The following MYO16 variants were observed in gnomAD, a reference collection of about 807,000 sequenced individuals.
The protein encoded by MYO16 is myosin XVI, also known as unconventional myosin-XVI.
Under a neutral mutation model 205.3 loss-of-function variants are expected in MYO16, and 94 were observed. The ratio of observed to expected loss-of-function variants is 0.46; its 90% CI spans 0.39 to 0.54. The LOEUF (loss-of-function observed/expected upper bound fraction) is 0.54. MYO16 is among the 20% of genes least tolerant of loss of function. The pLI is 0.00. For synonymous variants in MYO16, 988 were observed against 954.0 expected (o/e 1.04, Z -0.66); for missense variants, 2,315 against 2,387.5 (o/e 0.97, Z 0.63).
chr13:108,787,145 C>CAAATAAAT (rs774181516), intron 5 of MYO16, among the ~76,000 whole-genome samples: 2 of 151,936 alleles, frequency 1.3e-5, no homozygotes, highest in Non-Finnish European at 2.9e-5. Flanking sequence ...GTGTTATCAC[C>CAAATAAAT]AAATAATAGT....
At chr13:108,626,748 T>G (rs113286891), upstream of MYO16, among the ~76,000 whole-genome samples, 675 of 151,534 alleles carry the variant, frequency 4.5e-3, 6 homozygotes, top group African/African-American at 0.015. Flanking sequence ...AGGGTTGCAG[T>G]GAGCCAAGAT....
At chr13:108,520,812 G>A in the MYO16 span, among the ~76,000 whole-genome samples, 1 of 152,178 alleles carries the variant, frequency 6.6e-6, no homozygotes, top group Non-Finnish European at 1.5e-5. Flanking sequence ...TAGACAGTAA[G>A]CTTTCTCTTC....
chr13:108,747,086 A>G (rs1055445505), intron 4 of MYO16, among the ~76,000 whole-genome samples: 6 of 152,314 alleles, frequency 3.9e-5, no homozygotes, highest in Admixed American at 3.9e-4. Flanking sequence ...GTGAAAAAGA[A>G]TAAAGTTTCT....
At chr13:108,640,321 C>T (rs992665374) in intron 1 of MYO16, among the ~76,000 whole-genome samples, 3 of 151,982 alleles carry the variant, frequency 2.0e-5, no homozygotes, top group Admixed American at 6.6e-5. Context: ...CTGGAGTAAT[C>T]GATGAGGAGG....
chr13:108,610,482 G>T (rs548284136), intron 1 of MYO16, among the ~76,000 whole-genome samples: 1 of 152,216 alleles, frequency 6.6e-6, no homozygotes, highest in South Asian at 2.1e-4. Flanking sequence ...CTGTGTGTTG[G>T]TTCATCTGGA....
Position 108,665,959 on chromosome 13 carries a change from C to G in MYO16, c.102C>G (p.Pro34=). The G allele has an allele frequency of 6.2e-7, 1 of 1,614,120 alleles. No homozygotes were observed. The highest frequency in any genetic ancestry group is 1.1e-5 in the South Asian group (1 of 91,088). ...EIDQCLLESL[P]LGQRQRLVKR... ...ACCAGTGCTTGCTAGAGTCCCTTCC[C>G]CTTGGCCAACGGCAGCGTCTAGTGA... is the stretch of plus-strand genomic sequence containing the variant. The change falls in exon 2 of 35, where the codon CCC becomes CCG. Residue 34 remains proline, a synonymous_variant. Transcript: ENST00000457511.
rs183958399 is a variant in MYO16 at position 109,120,476 on chromosome 13, A to G, written c.3535+10A>G. ...ATAACCTGCCAAAAAGGTAACATTT[A>G]TATGCCAACATTTCTGAATTTATTT... is the stretch of plus-strand genomic sequence containing the variant. On this transcript the variant is annotated intron_variant, in intron 29 of 34. Transcript: ENST00000457511. 199 of 1,579,130 alleles carry G rather than the reference A, an allele frequency of 1.3e-4. No individual in the cohort carries two copies. In the African/African-American group the frequency reaches 2.3e-3, roughly 18 times the overall value.
At chr13:108,498,606 A>G in the MYO16 span, among the ~76,000 whole-genome samples, 1 of 152,240 alleles carries the variant, frequency 6.6e-6, no homozygotes, top group Admixed American at 6.5e-5. Context: ...TGAGCATGTG[A>G]AGAGATCAAG....
chr13:108,529,046 C>T, the MYO16 span, among the ~76,000 whole-genome samples: 111 of 152,192 alleles, frequency 7.3e-4, 1 homozygote, highest in East Asian at 4.1e-3. Context: ...CAGAACATAA[C>T]CTAAATATCA....
chr13:109,198,794 G>C (rs1880267429), intron 34 of MYO16, among the ~76,000 whole-genome samples: 1 of 152,076 alleles, frequency 6.6e-6, no homozygotes, highest in Non-Finnish European at 1.5e-5. Flanking sequence ...TTGTTACAAG[G>C]TAGGTAATTT....
the MYO16 span, among the ~76,000 whole-genome samples, chr13:108,501,065 C>A: frequency 6.6e-6 from 1 of 152,178 alleles, no homozygotes; most frequent in Non-Finnish European, 1.5e-5. Context: ...GGAATCAAAT[C>A]CAGATCATCT....
intron 25 of MYO16, among the ~76,000 whole-genome samples, chr13:109,054,702 A>C (rs932444544): frequency 3.9e-5 from 6 of 152,100 alleles, no homozygotes; most frequent in African/African-American, 1.4e-4. Flanking sequence ...ATAGTTGCCC[A>C]TTTCCTCAAC....
intron 32 of MYO16, among the ~76,000 whole-genome samples, chr13:109,142,036 A>G (rs961750438): frequency 6.6e-6 from 1 of 152,232 alleles, no homozygotes; most frequent in Non-Finnish European, 1.5e-5. Flanking sequence ...AGTGAGCTCC[A>G]TGACAGGCTG....
At chr13:108,647,583 T>C (rs1371649564) in intron 1 of MYO16, among the ~76,000 whole-genome samples, 1 of 152,188 alleles carries the variant, frequency 6.6e-6, no homozygotes, top group Non-Finnish European at 1.5e-5. Context: ...CATTTTTTTC[T>C]CAACTTAAAA....
chr13:109,029,968 G>A (rs1009386561), intron 23 of MYO16, among the ~76,000 whole-genome samples: 1 of 152,106 alleles, frequency 6.6e-6, no homozygotes, highest in Admixed American at 6.5e-5. Context: ...AATATTGATA[G>A]TTTATGGCTA....
At chr13:108,764,561 CTG>C (rs1203639377) in intron 4 of MYO16, among the ~76,000 whole-genome samples, 1 of 152,050 alleles carries the variant, frequency 6.6e-6, no homozygotes, top group African/African-American at 2.4e-5. Context: ...AAATACTTAC[CTG>C]TGGTACGTAT....
intron 1 of MYO16, among the ~76,000 whole-genome samples, chr13:108,615,742 A>G (rs933798218): frequency 6.6e-6 from 1 of 152,212 alleles, no homozygotes; most frequent in Admixed American, 6.5e-5. Context: ...AATGTCCAGA[A>G]TTGGTAAATC....
chr13:108,807,968 T>C (rs748492666), intron 7 of MYO16, among the ~76,000 whole-genome samples: 4 of 152,206 alleles, frequency 2.6e-5, no homozygotes, highest in African/African-American at 4.8e-5. Flanking sequence ...GTAAAGTGTC[T>C]ATTGCAATCT....
chr13:108,749,668 T>G (rs2139631924), intron 4 of MYO16, among the ~76,000 whole-genome samples: 1 of 152,290 alleles, frequency 6.6e-6, no homozygotes, highest in Admixed American at 6.5e-5. Context: ...GGAGCTCTCA[T>G]TCACTGCTGG....
Sources: allele counts gnomAD v4.1 joint callset (sites outside exome capture counted in the v4.1 genomes callset), GRCh38; gene constraint gnomAD v4.1.1; transcripts MANE v1.5; gene names NCBI Gene and HGNC (gene_info 2026-07-23, HGNC 2026-07-21).